The following FER1L6 variants were observed in gnomAD, a reference collection of about 807,000 sequenced individuals.
FER1L6 encodes fer-1-like protein 6.
A neutral mutation model predicts 219.2 loss-of-function variants in FER1L6; 177 were observed. The observed-to-expected ratio is 0.81, with a 90% confidence interval of 0.71 to 0.91. The LOEUF (loss-of-function observed/expected upper bound fraction) is 0.91. FER1L6 is among the 40% of genes least tolerant of loss of function. The pLI is 0.00. For synonymous variants in FER1L6, 768 were observed against 824.3 expected (o/e 0.93, Z 1.17); for missense variants, 2,153 against 2,259.9 (o/e 0.95, Z 0.96).
chr8:124,024,812 C>T (rs1030494941), intron 18 of FER1L6, among the ~76,000 whole-genome samples: 35 of 152,190 alleles, frequency 2.3e-4, no homozygotes, highest in African/African-American at 6.0e-4. Flanking sequence ...TGCTAATTTA[C>T]AGTCCCATCA....
intron 1 of FER1L6, among the ~76,000 whole-genome samples, chr8:123,928,374 C>T (rs1454725708): frequency 6.6e-6 from 1 of 152,152 alleles, no homozygotes; most frequent in Non-Finnish European, 1.5e-5. Flanking sequence ...ACAGGCTCCA[C>T]CAACCAGATG....
chr8:124,010,769 G>T, intron 14 of FER1L6, 55 bp downstream of exon 14: 1 of 1,597,372 alleles, frequency 6.3e-7, no homozygotes, highest in South Asian at 1.1e-5. Context: ...GTGGGGGAAG[G>T]GATTTTTAAA....
chr8:124,083,932 C>A (rs965243077), intron 33 of FER1L6, among the ~76,000 whole-genome samples: 4 of 152,026 alleles, frequency 2.6e-5, no homozygotes, highest in African/African-American at 9.7e-5. Flanking sequence ...TTTTTTGTAT[C>A]CTCTTCAATT....
chr8:124,039,620 C>T (rs537502352), intron 19 of FER1L6, among the ~76,000 whole-genome samples: 209 of 152,266 alleles, frequency 1.4e-3, no homozygotes, highest in Non-Finnish European at 2.1e-3. Context: ...CATGCTATTT[C>T]GCATGGTTTT....
chr8:124,003,140 C>G, intron 12 of FER1L6, 27 bp from the exon 13 acceptor site: 1 of 1,604,568 alleles, frequency 6.2e-7, no homozygotes. Context: ...CCACCTGACC[C>G]CTTTCCCCTT....
At chr8:123,960,273 G>T (rs531893304) in intron 2 of FER1L6, among the ~76,000 whole-genome samples, 1 of 152,112 alleles carries the variant, frequency 6.6e-6, no homozygotes, top group East Asian at 1.9e-4. Context: ...TATTAGGAAG[G>T]CTCAGCCACT....
chr8:123,951,578 C>T (rs1814770464), intron 1 of FER1L6, among the ~76,000 whole-genome samples: 2 of 152,170 alleles, frequency 1.3e-5, no homozygotes, highest in African/African-American at 2.4e-5. Context: ...CGTCAGGCTA[C>T]TGGGAATTTA....
chr8:124,066,820 G>A (rs1310003358), intron 27 of FER1L6, among the ~76,000 whole-genome samples: 1 of 152,132 alleles, frequency 6.6e-6, no homozygotes. Flanking sequence ...GGTATCTGGA[G>A]GATCTGCCCC....
intron 1 of FER1L6, among the ~76,000 whole-genome samples, chr8:123,912,560 C>T (rs924333389): frequency 6.6e-6 from 1 of 151,932 alleles, no homozygotes; most frequent in Non-Finnish European, 1.5e-5. Flanking sequence ...TTGGCAGGCA[C>T]TGTTCTATGA....
intron 20 of FER1L6, among the ~76,000 whole-genome samples, chr8:124,043,799 G>A (rs775086065): frequency 2.4e-4 from 37 of 152,324 alleles, no homozygotes; most frequent in Non-Finnish European, 4.3e-4. Flanking sequence ...TCTTTCTGAG[G>A]TAGGTAGGAG....
At position 123,975,230 on chromosome 8, in the gene FER1L6, G is replaced by A; in HGVS notation, c.607G>A (p.Asp203Asn). The change falls in exon 8 of 41, where the codon GAC (aspartate) becomes AAC (asparagine). Residue 203 changes from aspartate to asparagine, a missense_variant. By Grantham distance (23) the Asp-to-Asn change is conservative (BLOSUM62 1). Transcript: ENST00000522917. ...TGGCACCAAGGGGTACCTGAAATGTGACATCAGTGTCATGGGAAAAGGTGA... is the reference window on the plus strand; with the variant it reads ...TGGCACCAAGGGGTACCTGAAATGTAACATCAGTGTCATGGGAAAAGGTGA... ...RTGTKGYLKC[D>N]ISVMGKGDVL... 1.9e-6 allele frequency: 3 copies of A among 1,613,270 alleles called. No individual in the cohort carries two copies. Among genetic ancestry groups the A allele is most frequent in the Non-Finnish European group, 2.5e-6 (3 of 1,179,758 alleles).
chr8:123,993,155 A>G (rs1318943972), intron 12 of FER1L6, among the ~76,000 whole-genome samples: 2 of 152,164 alleles, frequency 1.3e-5, no homozygotes, highest in Non-Finnish European at 2.9e-5. Context: ...AGAAGAATGT[A>G]TATCCGGCCG....
chr8:123,986,683 G>A (rs1253863788), intron 12 of FER1L6, among the ~76,000 whole-genome samples: 1 of 151,916 alleles, frequency 6.6e-6, no homozygotes, highest in Non-Finnish European at 1.5e-5. Flanking sequence ...CCCAGCCTTT[G>A]ATAACCATCA....
In FER1L6 at chr8:124,013,399, C is replaced by T. The variant is rs768007819; in HGVS notation, c.1822-32C>T. On this transcript the variant is annotated intron_variant, in intron 14 of 40. Coordinates refer to ENST00000522917, the MANE Select transcript of FER1L6 (RefSeq NM_001039112.2). ...CTACTACCAATCTCATTACCACCGCCTCATCTCTCCACCCCTGTGGTTTGT... is the reference window on the plus strand; with the variant it reads ...CTACTACCAATCTCATTACCACCGCTTCATCTCTCCACCCCTGTGGTTTGT... The T allele has an allele frequency of 2.2e-6, 3 of 1,365,724 alleles. No individual in the cohort carries two copies. The East Asian group carries it at 7.1e-5, about 32-fold the overall frequency. 84.6% of individuals were successfully genotyped at this position (1,365,724 alleles called of 1,614,324 possible). A position where few individuals can be genotyped will look rare whatever the true frequency, so the allele number is the denominator to read the frequency against.
At chr8:124,045,229 T>C in intron 20 of FER1L6, among the ~76,000 whole-genome samples, 1 of 152,234 alleles carries the variant, frequency 6.6e-6, no homozygotes, top group East Asian at 1.9e-4. Flanking sequence ...TATTAGCATC[T>C]ACATGGCGAG....
At chr8:123,962,559 A>T (rs1232176807) in intron 2 of FER1L6, among the ~76,000 whole-genome samples, 1 of 152,178 alleles carries the variant, frequency 6.6e-6, no homozygotes, top group African/African-American at 2.4e-5. Context: ...CACAAAAAGG[A>T]AGTATAATGA....
At chr8:123,923,941 G>GAAAAAAAA (rs60137127) in intron 1 of FER1L6, among the ~76,000 whole-genome samples, 2 of 94,780 alleles carry the variant, frequency 2.1e-5, no homozygotes, top group Non-Finnish European at 2.2e-5. Context: ...CTCCAACTAA[G>GAAAAAAAA]AAAAAAAAAA....
chr8:123,946,832 T>C (rs1814513960), intron 1 of FER1L6, among the ~76,000 whole-genome samples: 1 of 152,144 alleles, frequency 6.6e-6, no homozygotes, highest in African/African-American at 2.4e-5. Context: ...CGATTTTTTT[T>C]CTCTAGTCAT....
intron 34 of FER1L6, among the ~76,000 whole-genome samples, chr8:124,094,649 C>A (rs1032889066): frequency 2.6e-5 from 4 of 152,088 alleles, no homozygotes; most frequent in African/African-American, 7.2e-5. Flanking sequence ...CCACACCTGG[C>A]TAATTTTTTG....
Sources: allele counts gnomAD v4.1 joint callset (sites outside exome capture counted in the v4.1 genomes callset), GRCh38; gene constraint gnomAD v4.1.1; transcripts MANE v1.5; gene names NCBI Gene and HGNC (gene_info 2026-07-23, HGNC 2026-07-21).